The following ARAP2 variants were observed in gnomAD, a reference collection of about 807,000 sequenced individuals.
ARAP2 encodes arf-GAP with Rho-GAP domain, ANK repeat and PH domain-containing protein 2.
Under a neutral mutation model 194.5 loss-of-function variants are expected in ARAP2, and 148 were observed. That is an observed-to-expected ratio of 0.76 (90% CI 0.67 to 0.87). The LOEUF is 0.87. Ranked by LOEUF, ARAP2 falls within the 40% of genes least tolerant of loss-of-function variation. The probability of loss-of-function intolerance (pLI) is 0.00; values close to 1 mark genes in which losing one functional copy is unlikely to be tolerated. For synonymous variants in ARAP2, 695 were observed against 683.5 expected (o/e 1.02, Z -0.26); for missense variants, 2,128 against 1,989.7 (o/e 1.07, Z -1.32).
chr4:36,218,102 A>G (rs900952640), intron 2 of ARAP2, among the ~76,000 whole-genome samples: 3 of 152,168 alleles, frequency 2.0e-5, no homozygotes, highest in South Asian at 4.1e-4. Flanking sequence ...TTAAAACACT[A>G]TATTACTGAT....
chr4:36,012,344 A>G (rs28672100), intron 9 of ARAP2, among the ~76,000 whole-genome samples: 12,992 of 152,214 alleles, frequency 0.085, 823 homozygotes, highest in African/African-American at 0.18. Flanking sequence ...CTTGATTAAC[A>G]TGTTTTCTTA....
intron 19 of ARAP2, among the ~76,000 whole-genome samples, chr4:36,144,691 C>G (rs1729197616): frequency 6.6e-6 from 1 of 151,818 alleles, no homozygotes; most frequent in African/African-American, 2.4e-5. Context: ...AAGTCATTAT[C>G]CTTGTCACAG....
chr4:36,152,551 G>A (rs1399893554), intron 15 of ARAP2, among the ~76,000 whole-genome samples: 1 of 152,088 alleles, frequency 6.6e-6, no homozygotes, highest in Non-Finnish European at 1.5e-5. Flanking sequence ...ATCCACCCCT[G>A]TTCTCAGGCA....
chr4:36,074,645 C>T lies in ARAP2; in HGVS notation c.4609-822G>A, dbSNP rs529914417. Among the ~76,000 whole-genome samples the T allele has an allele frequency of 7.0e-4, 107 of 151,876 alleles. 1 individual carries two copies. Among genetic ancestry groups the T allele is most frequent in the African/African-American group, 2.4e-3 (98 of 41,466 alleles). On this transcript the variant is annotated intron_variant, in intron 31 of 32. Transcript: ENST00000303965. Reference sequence around the variant, plus strand: ...AATCTATGACGTAAACACAGAATACCGAGTATAAAATGAAAAGTTTACAGA... The same window carrying T: ...AATCTATGACGTAAACACAGAATACTGAGTATAAAATGAAAAGTTTACAGA...
At chr4:36,148,979 G>C (rs1041448362) in intron 16 of ARAP2, among the ~76,000 whole-genome samples, 3 of 152,230 alleles carry the variant, frequency 2.0e-5, no homozygotes, top group Non-Finnish European at 4.4e-5. Context: ...TCCTAAGAAA[G>C]ATAAATTTTC....
At chr4:36,236,103 CAGG>C (rs1752391564) in intron 1 of ARAP2, among the ~76,000 whole-genome samples, 1 of 149,462 alleles carries the variant, frequency 6.7e-6, no homozygotes. Flanking sequence ...GGGTTGAGCT[CAGG>C]AGGAGGAGGT....
chr4:36,078,024 C>T (rs1728643051), intron 31 of ARAP2, among the ~76,000 whole-genome samples: 1 of 152,134 alleles, frequency 6.6e-6, no homozygotes, highest in African/African-American at 2.4e-5. Flanking sequence ...ACATGCTCTC[C>T]TTACCTGCCA....
intron 9 of ARAP2, among the ~76,000 whole-genome samples, chr4:36,169,036 T>C (rs902823602): frequency 3.3e-5 from 5 of 152,170 alleles, no homozygotes; most frequent in East Asian, 1.9e-4. Flanking sequence ...AAACTTCCAA[T>C]GCATGTGATT....
At chr4:36,020,957 G>A (rs1423747330) in intron 5 of ARAP2, among the ~76,000 whole-genome samples, 1 of 152,164 alleles carries the variant, frequency 6.6e-6, no homozygotes, top group Non-Finnish European at 1.5e-5. Flanking sequence ...TAGATGGATT[G>A]CAAGAAGGAA....
chr4:36,082,313 C>G, intron 29 of ARAP2, 27 bp from the exon 30 acceptor site: 1 of 1,594,752 alleles, frequency 6.3e-7, no homozygotes, highest in Non-Finnish European at 8.5e-7. Flanking sequence ...AAAAAACACA[C>G]ATAAATTAAA....
intron 5 of ARAP2, among the ~76,000 whole-genome samples, chr4:36,019,629 C>T (rs918709492): frequency 2.9e-5 from 4 of 137,200 alleles, no homozygotes; most frequent in South Asian, 2.1e-4. Flanking sequence ...ACAAGAATGA[C>T]GTGTAGGTGT....
intron 1 of ARAP2, among the ~76,000 whole-genome samples, chr4:36,234,032 T>C (rs1478248568): frequency 1.3e-5 from 2 of 152,218 alleles, no homozygotes; most frequent in Non-Finnish European, 2.9e-5. Flanking sequence ...GCAAATATTA[T>C]AGACTGAAAA....
chr4:36,017,938 A>T (rs1049424596), intron 6 of ARAP2, among the ~76,000 whole-genome samples: 3 of 152,178 alleles, frequency 2.0e-5, no homozygotes, highest in African/African-American at 7.2e-5. Flanking sequence ...AATAACAAAA[A>T]TCATGTATGA....
intron 8 of ARAP2, among the ~76,000 whole-genome samples, chr4:36,014,322 GAGA>G (rs1715307062): frequency 1.2e-4 from 15 of 128,368 alleles, no homozygotes; most frequent in Non-Finnish European, 2.3e-4. Context: ...AAGAAAGAAA[GAGA>G]GAAAGAAAGA....
chr4:36,165,577 T>C (rs1735098658), intron 10 of ARAP2, among the ~76,000 whole-genome samples: 1 of 152,006 alleles, frequency 6.6e-6, no homozygotes, highest in Non-Finnish European at 1.5e-5. Context: ...ATAGATTCTT[T>C]TTTTTTTTTA....
At chr4:36,224,892 T>C (rs61796595) in intron 2 of ARAP2, among the ~76,000 whole-genome samples, 8,740 of 152,310 alleles carry the variant, frequency 0.057, 289 homozygotes, top group East Asian at 0.1. Context: ...TATCCTTCTG[T>C]ATATTTCTTA....
chr4:36,080,369 C>A (rs548175438), intron 30 of ARAP2, 90 bp from the exon 31 acceptor site: 4 of 1,011,190 alleles, frequency 4.0e-6, no homozygotes, highest in Non-Finnish European at 6.1e-6. Context: ...GATCAAAAAT[C>A]TCTGGGTCTC....
At chr4:36,079,316 A>G (rs1423726647) in intron 31 of ARAP2, among the ~76,000 whole-genome samples, 2 of 152,174 alleles carry the variant, frequency 1.3e-5, no homozygotes, top group African/African-American at 4.8e-5. Context: ...CAGGCTGAGA[A>G]GAGCTGTGTT....
intron 28 of ARAP2, among the ~76,000 whole-genome samples, chr4:36,088,070 A>G (rs558934596): frequency 1.3e-4 from 20 of 152,188 alleles, no homozygotes; most frequent in African/African-American, 4.8e-4. Flanking sequence ...AGTTGCTGCT[A>G]TTATTACTGC....
Sources: gnomAD v4.1 joint callset for allele counts (sites outside exome capture counted in the v4.1 genomes callset) on GRCh38, gnomAD v4.1.1 for gene constraint, MANE v1.5 for transcripts, NCBI Gene and HGNC (gene_info 2026-07-23, HGNC 2026-07-21) for gene names.